The following DRC11 variants were observed in gnomAD, a reference collection of about 807,000 sequenced individuals.
The protein encoded by DRC11 is dynein regulatory complex subunit 11.
the DRC11 span, among the ~76,000 whole-genome samples, chr2:236,341,703 A>G: frequency 6.6e-6 from 1 of 152,180 alleles, no homozygotes; most frequent in Non-Finnish European, 1.5e-5. Context: ...CAATGGGCAG[A>G]AGGCGAAGCT....
the DRC11 span, among the ~76,000 whole-genome samples, chr2:236,471,128 A>C: frequency 6.6e-6 from 1 of 152,186 alleles, no homozygotes; most frequent in Admixed American, 6.5e-5. This position sits in a 1 kb window ranked among gnomAD's most constrained non-coding sequence, Gnocchi z 4.6. Flanking sequence ...TCTTCATCTT[A>C]TATATGAGAA....
chr2:236,317,905 G>A, the DRC11 span, among the ~76,000 whole-genome samples: 18 of 152,182 alleles, frequency 1.2e-4, no homozygotes, highest in African/African-American at 4.1e-4. This position sits in a 1 kb window ranked among gnomAD's most constrained non-coding sequence, Gnocchi z 5.4. Context: ...TTTTATTGAT[G>A]AAGAAATAAA....
the DRC11 span, among the ~76,000 whole-genome samples, chr2:236,405,059 A>G: frequency 1.3e-5 from 2 of 152,146 alleles, no homozygotes; most frequent in African/African-American, 4.8e-5. The surrounding 1 kb of genome is among the most constrained non-coding windows in gnomAD (Gnocchi z 4.6). Context: ...CCACCTCCTA[A>G]CACCACCACA....
the DRC11 span, among the ~76,000 whole-genome samples, chr2:236,424,110 GT>G: frequency 1.3e-5 from 2 of 151,344 alleles, no homozygotes; most frequent in South Asian, 4.2e-4. Flanking sequence ...TAGATGACGA[GT>G]TAGTGGGTGC....
At chr2:236,384,064 T>C in the DRC11 span, among the ~76,000 whole-genome samples, 2 of 152,290 alleles carry the variant, frequency 1.3e-5, no homozygotes, top group African/African-American at 2.4e-5. Flanking sequence ...CAATCTATCA[T>C]TGTTGGACAT....
chr2:236,492,035 G>A, the DRC11 span, among the ~76,000 whole-genome samples: 1 of 152,196 alleles, frequency 6.6e-6, no homozygotes, highest in African/African-American at 2.4e-5. Context: ...CTTACTTCTT[G>A]CTCTCTTACT....
the DRC11 span, chr2:236,332,595 A>C: frequency 1.3e-5 from 2 of 152,196 alleles, no homozygotes; most frequent in African/African-American, 2.4e-5. This position sits in a 1 kb window ranked among gnomAD's most constrained non-coding sequence, Gnocchi z 5.1. Context: ...ACCTGATCTG[A>C]GCATTGTCAG....
the DRC11 span, among the ~76,000 whole-genome samples, chr2:236,395,345 C>T: frequency 2.0e-5 from 3 of 152,210 alleles, no homozygotes; most frequent in Non-Finnish European, 4.4e-5. Flanking sequence ...TACACATAAT[C>T]CTTTCCAGTG....
chr2:236,348,589 T>G, the DRC11 span, among the ~76,000 whole-genome samples: 4 of 152,160 alleles, frequency 2.6e-5, no homozygotes, highest in Non-Finnish European at 4.4e-5. This position sits in a 1 kb window ranked among gnomAD's most constrained non-coding sequence, Gnocchi z 7.4. Context: ...GAGGGAAGCC[T>G]CTTTCTTCCC....
the DRC11 span, among the ~76,000 whole-genome samples, chr2:236,459,200 T>C: frequency 6.6e-6 from 1 of 152,112 alleles, no homozygotes; most frequent in African/African-American, 2.4e-5. Flanking sequence ...GACTGGGCAT[T>C]TTACAATGCT....
chr2:236,414,810 C>G, the DRC11 span, among the ~76,000 whole-genome samples: 1 of 152,146 alleles, frequency 6.6e-6, no homozygotes, highest in Non-Finnish European at 1.5e-5. Flanking sequence ...ATGAAAAGAT[C>G]AAATGCAGGC....
chr2:236,357,499 A>G, the DRC11 span, among the ~76,000 whole-genome samples: 1 of 127,430 alleles, frequency 7.8e-6, no homozygotes, highest in Non-Finnish European at 1.5e-5. Flanking sequence ...ATAAATACAT[A>G]TTTACATATT....
chr2:236,498,462 A>T, the DRC11 span, among the ~76,000 whole-genome samples: 1 of 122,756 alleles, frequency 8.1e-6, no homozygotes, highest in African/African-American at 4.1e-5. Context: ...AGACTGTCTT[A>T]AAAAAAAAAA....
the DRC11 span, among the ~76,000 whole-genome samples, chr2:236,490,592 G>GT: frequency 6.6e-6 from 1 of 152,064 alleles, no homozygotes; most frequent in Non-Finnish European, 1.5e-5. This position sits in a 1 kb window ranked among gnomAD's most constrained non-coding sequence, Gnocchi z 5.5. Flanking sequence ...AGTTAGTATC[G>GT]TATTTCTTTC....
At chr2:236,365,896 C>T in the DRC11 span, among the ~76,000 whole-genome samples, 1 of 152,140 alleles carries the variant, frequency 6.6e-6, no homozygotes, top group Non-Finnish European at 1.5e-5. This position sits in a 1 kb window ranked among gnomAD's most constrained non-coding sequence, Gnocchi z 7.4. Flanking sequence ...TTCCAGTTTT[C>T]GCACCTGAGC....
the DRC11 span, among the ~76,000 whole-genome samples, chr2:236,358,561 C>A: frequency 2.8e-5 from 4 of 143,914 alleles, no homozygotes; most frequent in East Asian, 2.0e-4. Context: ...CCCGCCACCC[C>A]CCAGGTACCA....
the DRC11 span, among the ~76,000 whole-genome samples, chr2:236,402,784 C>T: frequency 6.6e-6 from 1 of 152,136 alleles, no homozygotes; most frequent in Non-Finnish European, 1.5e-5. The surrounding 1 kb of genome is among the most constrained non-coding windows in gnomAD (Gnocchi z 6.0). Flanking sequence ...CCAAGAGACC[C>T]AGGCATTAGA....
the DRC11 span, among the ~76,000 whole-genome samples, chr2:236,463,758 A>T: frequency 1.3e-5 from 2 of 152,200 alleles, no homozygotes; most frequent in African/African-American, 4.8e-5. This position sits in a 1 kb window ranked among gnomAD's most constrained non-coding sequence, Gnocchi z 5.0. Flanking sequence ...TTGAAACAAC[A>T]AACACATATT....
At chr2:236,351,503 C>G in the DRC11 span, among the ~76,000 whole-genome samples, 1 of 152,132 alleles carries the variant, frequency 6.6e-6, no homozygotes, top group African/African-American at 2.4e-5. The surrounding 1 kb of genome is among the most constrained non-coding windows in gnomAD (Gnocchi z 7.3). Flanking sequence ...TGGAAGGGGT[C>G]AGAAAAGTGC....
Sources: allele counts gnomAD v4.1 joint callset (sites outside exome capture counted in the v4.1 genomes callset), GRCh38; gene constraint gnomAD v4.1.1; non-coding constraint Gnocchi (gnomAD v3.1); transcripts MANE v1.5; gene names NCBI Gene and HGNC (gene_info 2026-07-23, HGNC 2026-07-21).